Variants in FHL2 observed in about 807,000 individuals in gnomAD.
The protein encoded by FHL2 is four and a half LIM domains protein 2.
A neutral mutation model predicts 32.7 loss-of-function variants in FHL2; 20 were observed. The observed-to-expected ratio is 0.61, with a 90% CI of 0.43 to 0.89. The LOEUF is 0.89. FHL2 is among the 40% of genes least tolerant of loss of function. FHL2 has a pLI of 0.00. For synonymous variants in FHL2, 123 were observed against 128.1 expected (o/e 0.96, Z 0.27); for missense variants, 311 against 358.6 (o/e 0.87, Z 1.07).
chr2:105,373,389 T>A, intron 4 of FHL2, 170 bp downstream of exon 4: 1 of 679,818 alleles, frequency 1.5e-6, no homozygotes, highest in Non-Finnish European at 2.6e-6. Context: ...TGATAGAACC[T>A]GTATGTCCCT....
At chr2:105,413,459 G>C (rs1461443529) in intron 1 of FHL2, among the ~76,000 whole-genome samples, 3 of 151,714 alleles carry the variant, frequency 2.0e-5, no homozygotes, top group African/African-American at 7.3e-5. Context: ...ACAGAACTTT[G>C]TAAGATATCA....
At chr2:105,421,796 C>T (rs370864013) in intron 1 of FHL2, among the ~76,000 whole-genome samples, 4 of 152,312 alleles carry the variant, frequency 2.6e-5, no homozygotes, top group African/African-American at 9.6e-5. Context: ...TTCTGTGATG[C>T]AGAGGGCACA....
chr2:105,363,514 G>A, intron 5 of FHL2, 43 bp from the exon 6 acceptor site: 1 of 1,534,560 alleles, frequency 6.5e-7, no homozygotes, highest in Non-Finnish European at 8.8e-7. Context: ...TCTGTGCTTG[G>A]CAGACATCTT....
intron 1 of FHL2, among the ~76,000 whole-genome samples, chr2:105,408,989 A>G (rs1683714978): frequency 6.6e-6 from 1 of 152,162 alleles, no homozygotes; most frequent in Non-Finnish European, 1.5e-5. Context: ...GCACCAGGTC[A>G]TGGTGTCCTC....
intron 1 of FHL2, among the ~76,000 whole-genome samples, chr2:105,429,503 A>G (rs559971644): frequency 1.3e-5 from 2 of 152,296 alleles, no homozygotes; most frequent in Admixed American, 6.5e-5. Context: ...GGCTTTGAAG[A>G]TAGAAGAAGG....
chr2:105,406,395 C>A (rs1298093355), intron 1 of FHL2, among the ~76,000 whole-genome samples: 1 of 151,998 alleles, frequency 6.6e-6, no homozygotes, highest in Non-Finnish European at 1.5e-5. Flanking sequence ...AGCGGTGAAT[C>A]ACCATCAGAT....
intron 1 of FHL2, among the ~76,000 whole-genome samples, chr2:105,397,348 C>T (rs563424405): frequency 6.6e-5 from 10 of 152,084 alleles, no homozygotes; most frequent in African/African-American, 9.7e-5. Context: ...AATATGTATA[C>T]ACTGTCTATG....
chr2:105,389,952 G>C (rs924248316), intron 2 of FHL2: 15 of 152,438 alleles, frequency 9.8e-5, no homozygotes, highest in African/African-American at 3.6e-4. Flanking sequence ...AATCTGGCCA[G>C]GTGCGGTGGC....
chr2:105,365,278 T>C (rs1395499981), intron 5 of FHL2, among the ~76,000 whole-genome samples: 1 of 152,306 alleles, frequency 6.6e-6, no homozygotes, highest in African/African-American at 2.4e-5. Context: ...TACTTCCACC[T>C]AGACTACAGT....
At chr2:105,417,481 C>T (rs1017593705) in intron 1 of FHL2, among the ~76,000 whole-genome samples, 3 of 151,738 alleles carry the variant, frequency 2.0e-5, no homozygotes, top group East Asian at 1.9e-4. Context: ...GCTCAGAGTT[C>T]GCGATCAGCC....
intron 1 of FHL2, among the ~76,000 whole-genome samples, chr2:105,435,907 C>G (rs1215348136): frequency 6.6e-6 from 1 of 152,192 alleles, no homozygotes; most frequent in Admixed American, 6.5e-5. Context: ...ATCTAATTAT[C>G]TGCTCCTCCT....
intron 2 of FHL2, among the ~76,000 whole-genome samples, chr2:105,389,143 G>A (rs60227868): frequency 5.9e-5 from 9 of 152,258 alleles, no homozygotes; most frequent in Admixed American, 2.0e-4. Flanking sequence ...GGACACATGC[G>A]GCAAGATCCG....
intron 5 of FHL2, among the ~76,000 whole-genome samples, chr2:105,365,842 CAAAAA>C (rs1214547733): frequency 6.7e-6 from 1 of 149,046 alleles, no homozygotes; most frequent in East Asian, 2.0e-4. Context: ...GAAACTGTCT[CAAAAA>C]AAGAAAAAAA....
At chr2:105,364,574 A>G (rs1239957364) in intron 5 of FHL2, among the ~76,000 whole-genome samples, 1 of 152,244 alleles carries the variant, frequency 6.6e-6, no homozygotes, top group Non-Finnish European at 1.5e-5. Context: ...TGCATCTCAC[A>G]TTCTATTTAA....
At chr2:105,404,421 C>G (rs910301400) in intron 1 of FHL2, among the ~76,000 whole-genome samples, 1 of 152,188 alleles carries the variant, frequency 6.6e-6, no homozygotes, top group African/African-American at 2.4e-5. Flanking sequence ...GGAGGCAAGT[C>G]CCTGCATGCC....
At position 105,367,748 on chromosome 2, in the gene FHL2, A is replaced by G; in HGVS notation, c.332-9T>C. 1 of 1,611,990 alleles carries G rather than the reference A, an allele frequency of 6.2e-7. No homozygotes were observed. Among genetic ancestry groups the G allele is most frequent in the East Asian group, 2.2e-5 (1 of 44,834 alleles). On this transcript the variant is annotated splice_polypyrimidine_tract_variant and intron_variant, in intron 4 of 6. Transcript: ENST00000530340. Reference sequence around the variant, plus strand: ...CTCCATCTTGCGGGTACCTGTCATCAGGGTCAAGAGGAACACAGCAGAGTT... The same window carrying G: ...CTCCATCTTGCGGGTACCTGTCATCGGGGTCAAGAGGAACACAGCAGAGTT...
Position 105,409,298 on chromosome 2 carries a change from G to C in FHL2, c.-24-22758C>G, listed in dbSNP as rs893536433. ...GTGCAATTTATATGTGCAAACAAGG[G>C]CGCTGGGTGTAATTCACCTGCTGAT... On this transcript the variant is annotated intron_variant, in intron 1 of 5. Coordinates refer to the FHL2 transcript ENST00000393352. 6.6e-5 allele frequency among the ~76,000 whole-genome samples: 10 copies of C among 152,200 alleles called. 1 individual carries two copies. Among genetic ancestry groups the C allele is most frequent in the Non-Finnish European group, 2.9e-5 (2 of 68,036 alleles).
chr2:105,417,980 T>C (rs1037053920), intron 1 of FHL2, among the ~76,000 whole-genome samples: 3 of 152,004 alleles, frequency 2.0e-5, no homozygotes, highest in Admixed American at 2.0e-4. Flanking sequence ...CTTAATAGTA[T>C]CAAAAAAATA....
At chr2:105,413,415 T>C (rs1683850766) in intron 1 of FHL2, among the ~76,000 whole-genome samples, 1 of 152,198 alleles carries the variant, frequency 6.6e-6, no homozygotes, top group African/African-American at 2.4e-5. Flanking sequence ...GGAGCTATTC[T>C]AGCAGTTAAC....
Sources: allele counts gnomAD v4.1 joint callset (sites outside exome capture counted in the v4.1 genomes callset), GRCh38; gene constraint gnomAD v4.1.1; transcripts MANE v1.5; gene names NCBI Gene and HGNC (gene_info 2026-07-23, HGNC 2026-07-21).